Variants in FAT1 observed in about 807,000 individuals in gnomAD.
FAT1 encodes the protein FAT atypical cadherin 1, also known as protocadherin Fat 1.
FAT1 carries 171 observed loss-of-function variants against 329.8 expected under a neutral mutation model. That is an observed-to-expected ratio of 0.52 (90% CI 0.46 to 0.59). The LOEUF is 0.59. FAT1 is among the 20% of genes least tolerant of loss of function. FAT1 has a pLI of 0.00. For synonymous variants in FAT1, 2,233 were observed against 2,228.6 expected, an observed-to-expected ratio of 1.00 and a Z score of -0.06; for missense variants, 5,672 against 5,774.4, an observed-to-expected ratio of 0.98 and a Z score of 0.57.
At chr4:186,667,164 A>G (rs60068261) in intron 2 of FAT1, among the ~76,000 whole-genome samples, 11,207 of 152,240 alleles carry the variant, frequency 0.074, 1,402 homozygotes, top group African/African-American at 0.26. Flanking sequence ...ACAGATAGAA[A>G]CAGCTATGAT....
intron 22 of FAT1, among the ~76,000 whole-genome samples, chr4:186,599,137 C>T (rs1008443604): frequency 1.3e-5 from 2 of 152,280 alleles, no homozygotes; most frequent in East Asian, 1.9e-4. Context: ...CTGGTTTGGA[C>T]GTGTAACTAA....
In FAT1 at chr4:186,715,120, C is replaced by T. The variant is rs1246893499; in HGVS notation, c.-18-5275G>A. 2.0e-5 allele frequency among the ~76,000 whole-genome samples: 3 copies of T among 151,126 alleles called. No individual in the cohort carries two copies. In the East Asian group the frequency reaches 5.8e-4, roughly 29 times the overall value. ...TACTTGCTGATGCGCCACGCTGCTT[C>T]CCCCTCCATCCCCCCACCAGAAGGC... On this transcript the variant is annotated intron_variant, in intron 1 of 26. Transcript: ENST00000441802.
chr4:186,662,898 A>G lies in FAT1; in HGVS notation c.3580+401T>C, dbSNP rs531160805. 4.4e-4 allele frequency among the ~76,000 whole-genome samples: 67 copies of G among 151,718 alleles called. 1 individual carries two copies. The highest frequency in any genetic ancestry group is 7.2e-4 in the Admixed American group (11 of 15,250). The stretch of plus-strand genomic sequence containing the variant: ...GTCGCCCAGGCTGGAGTGCAGTGGC[A>G]CCATCTCGGCTCACTGCAAGCTCCG... On this transcript the variant is annotated intron_variant, in intron 3 of 26. Transcript: ENST00000441802.
chr4:186,589,791 C>T (rs1336883505), intron 26 of FAT1, among the ~76,000 whole-genome samples: 2 of 152,136 alleles, frequency 1.3e-5, no homozygotes, highest in Admixed American at 6.5e-5. Context: ...TTCAGCTTCC[C>T]GAAGTGCTGG....
intron 3 of FAT1, among the ~76,000 whole-genome samples, chr4:186,646,437 A>G (rs1318522040): frequency 6.6e-6 from 1 of 152,208 alleles, no homozygotes; most frequent in Admixed American, 6.5e-5. Context: ...TGTGTGTTCT[A>G]TAATTTGCAC....
intron 2 of FAT1, among the ~76,000 whole-genome samples, chr4:186,671,702 AAAAAAT>A (rs200587249): frequency 3.3e-5 from 5 of 152,134 alleles, no homozygotes; most frequent in Non-Finnish European, 5.9e-5. Flanking sequence ...CCGTCTCAAA[AAAAAAT>A]AAAAATAAAA....
At chr4:186,717,809 T>C (rs1363207534) in intron 1 of FAT1, among the ~76,000 whole-genome samples, 1 of 152,150 alleles carries the variant, frequency 6.6e-6, no homozygotes, top group Non-Finnish European at 1.5e-5. Flanking sequence ...GGTGAGGCAT[T>C]CCTGTGCTAT....
At chr4:186,652,510 T>C (rs1454525945) in intron 3 of FAT1, among the ~76,000 whole-genome samples, 2 of 152,196 alleles carry the variant, frequency 1.3e-5, no homozygotes, top group African/African-American at 2.4e-5. Context: ...TTGCAAACTT[T>C]AGGGATGATA....
Position 186,645,399 on chromosome 4 carries a change from ATATATATATATATATATATATAT to A in FAT1, c.3581-5639_3581-5617del, listed in dbSNP as rs1560962416. Among the ~76,000 whole-genome samples, 478 of 102,106 alleles carry A rather than the reference ATATATATATATATATATATATAT, an allele frequency of 4.7e-3. 8 individuals carry two copies. The highest frequency in any genetic ancestry group is 0.011 in the African/African-American group (285 of 26,152). 67.0% of individuals were successfully genotyped at this position (102,106 alleles called of 152,430 possible). ...TATATATATATATATATATATATATATATATATATATATATATATATATGCCTGTAAAAAACTGAGATATATCC... is the reference window on the plus strand; with the variant it reads ...TATATATATATATATATATATATATAGCCTGTAAAAAACTGAGATATATCC... On this transcript the variant is annotated intron_variant, in intron 3 of 26. Transcript: ENST00000441802.
intron 2 of FAT1, among the ~76,000 whole-genome samples, chr4:186,681,685 G>C (rs1203969466): frequency 6.6e-6 from 1 of 152,218 alleles, no homozygotes; most frequent in African/African-American, 2.4e-5. Flanking sequence ...ACAGCGTAAA[G>C]CATTTTTAAC....
chr4:186,651,135 AAATTT>A (rs1227093070), intron 3 of FAT1, among the ~76,000 whole-genome samples: 1 of 133,158 alleles, frequency 7.5e-6, no homozygotes, highest in Non-Finnish European at 1.6e-5. Flanking sequence ...AATAATTACT[AAATTT>A]ATTTATTAAT....
chr4:186,684,670 GA>G (rs10597588), intron 2 of FAT1, among the ~76,000 whole-genome samples: 4,081 of 150,720 alleles, frequency 0.027, 165 homozygotes, highest in African/African-American at 0.094. Context: ...GGATAAGAGG[GA>G]AAAAAAAAAA....
chr4:186,663,726 G>T, intron 2 of FAT1, 113 bp from the exon 3 acceptor site: 1 of 779,100 alleles, frequency 1.3e-6, no homozygotes, highest in Non-Finnish European at 2.0e-6. Flanking sequence ...CTTACTAGGT[G>T]CATAACCTTG....
At chr4:186,675,540 G>C (rs1742910321) in intron 2 of FAT1, among the ~76,000 whole-genome samples, 1 of 152,086 alleles carries the variant, frequency 6.6e-6, no homozygotes, top group African/African-American at 2.4e-5. Flanking sequence ...GCTGACGTGG[G>C]AGGATTACTT....
intron 2 of FAT1, among the ~76,000 whole-genome samples, chr4:186,679,287 G>C (rs905561050): frequency 2.0e-5 from 3 of 151,894 alleles, no homozygotes; most frequent in African/African-American, 4.8e-5. Context: ...CGTGGTGGCG[G>C]GAGCCTGTAG....
At chr4:186,711,645 C>T (rs969378949) in intron 1 of FAT1, among the ~76,000 whole-genome samples, 8 of 152,198 alleles carry the variant, frequency 5.3e-5, no homozygotes, top group South Asian at 4.1e-4. Context: ...AGGCTGGTCA[C>T]GGTGGCTCAC....
At chr4:186,702,359 CTCTTA>C (rs2126676392) in intron 2 of FAT1, among the ~76,000 whole-genome samples, 1 of 152,264 alleles carries the variant, frequency 6.6e-6, no homozygotes, top group African/African-American at 2.4e-5. Flanking sequence ...TAGAGATCTG[CTCTTA>C]TCTTAATGAA....
At chr4:186,710,871 T>C (rs192095086) in intron 1 of FAT1, among the ~76,000 whole-genome samples, 15 of 152,242 alleles carry the variant, frequency 9.9e-5, no homozygotes, top group Admixed American at 2.6e-4. Context: ...AGAGAGAAAC[T>C]GAAGAAATGA....
At chr4:186,617,223 A>T in intron 10 of FAT1, 22 bp from the exon 11 acceptor site, 1 of 1,493,810 alleles carries the variant, frequency 6.7e-7, no homozygotes, top group Non-Finnish European at 9.1e-7. Context: ...ATGGAGGAAG[A>T]TAATAATCAA....
Sources: allele counts gnomAD v4.1 joint callset (sites outside exome capture counted in the v4.1 genomes callset), GRCh38; gene constraint gnomAD v4.1.1; transcripts MANE v1.5; gene names NCBI Gene and HGNC (gene_info 2026-07-23, HGNC 2026-07-21).